Variants in DAGLA observed in about 807,000 individuals in gnomAD.
The protein encoded by DAGLA is diacylglycerol lipase alpha.
DAGLA carries 22 observed loss-of-function variants against 102.6 expected under a neutral mutation model. That is an observed-to-expected ratio of 0.21 (90% CI 0.15 to 0.31). DAGLA has a LOEUF of 0.31. DAGLA is among the 10% of genes least tolerant of loss of function. The probability of loss-of-function intolerance (pLI) is 1.00; values close to 1 mark genes in which losing one functional copy is unlikely to be tolerated. For synonymous variants in DAGLA, 578 were observed against 628.9 expected (o/e 0.92, Z 1.21); for missense variants, 927 against 1,446.6 (o/e 0.64, Z 5.83).
intron 18 of DAGLA, 35 bp from the exon 19 acceptor site, chr11:61,741,127 T>A: frequency 1.9e-6 from 3 of 1,578,732 alleles, no homozygotes; most frequent in Non-Finnish European, 2.6e-6. Context: ...CTGATGTCCC[T>A]CCACCACCCC....
rs963329038 is a variant in DAGLA at position 61,740,158 on chromosome 11, C to T, written c.1854-305C>T. On this transcript the variant is annotated intron_variant, in intron 17 of 19. Transcript: ENST00000257215. ...GGGCCCTGGCTCCTCCCTCCAGGGT[C>T]GGCTTCCTCCCCTGACACAGCTGGT... Among the ~76,000 whole-genome samples, 18 of 152,344 alleles carry T rather than the reference C, an allele frequency of 1.2e-4. No homozygotes were observed. In the South Asian group the frequency reaches 2.1e-3, roughly 18 times the overall value.
chr11:61,741,305 T>C lies in DAGLA; in HGVS notation c.2127T>C (p.Leu709=), dbSNP rs1398424776. ...CGGGGCCGCCCATGCCCACTGGCCTTGCCCTGGAGCTGCCGACTGCAGACC... is the reference window on the plus strand; with the variant it reads ...CGGGGCCGCCCATGCCCACTGGCCTCGCCCTGGAGCTGCCGACTGCAGACC... ...LPTGPPMPTG[L]ALELPTADHR... Residue 709 remains leucine, a synonymous_variant, in exon 19 of 20, where the codon CTT becomes CTC. Transcript: ENST00000257215. 6.2e-7 allele frequency: 1 copy of C among 1,611,910 alleles called. No individual in the cohort carries two copies. Among genetic ancestry groups the C allele is most frequent in the Non-Finnish European group, 8.5e-7 (1 of 1,179,986 alleles).
chr11:61,741,017 T>C, intron 18 of DAGLA, 145 bp from the exon 19 acceptor site: 2 of 732,058 alleles, frequency 2.7e-6, no homozygotes, highest in Non-Finnish European at 4.4e-6. Context: ...TGGGGAGTGG[T>C]GACCTCAGGA....
Position 61,720,677 on chromosome 11 carries a change from A to G in DAGLA, c.96-2A>G. 1 of 1,613,260 alleles carries G rather than the reference A, an allele frequency of 6.2e-7. No individual in the cohort carries two copies. The highest frequency in any genetic ancestry group is 1.7e-5 in the Admixed American group (1 of 60,016). On this transcript the variant is annotated splice_acceptor_variant, in intron 2 of 19. Transcript: ENST00000257215. LOFTEE classifies it high-confidence loss of function. The stretch of plus-strand genomic sequence containing the variant: ...TTGCTCACACGGGCGTTCCTGTGAC[A>G]GGTTTGTGATCCTGTCCGTGGTGCT...
intron 1 of DAGLA, among the ~76,000 whole-genome samples, chr11:61,707,154 G>T (rs543136950): frequency 1.3e-5 from 2 of 152,374 alleles, no homozygotes; most frequent in African/African-American, 4.8e-5. Flanking sequence ...TGGGAGTGAA[G>T]TGCCACTGGG....
At chr11:61,731,483 TC>T in intron 9 of DAGLA, 42 bp downstream of exon 9, 1 of 1,606,828 alleles carries the variant, frequency 6.2e-7, no homozygotes, top group African/African-American at 1.3e-5. Flanking sequence ...GCACCTCTCC[TC>T]CCGGGTGGTG....
At chr11:61,718,134 C>T (rs1443745397) in intron 1 of DAGLA, among the ~76,000 whole-genome samples, 1 of 152,102 alleles carries the variant, frequency 6.6e-6, no homozygotes, top group African/African-American at 2.4e-5. Flanking sequence ...AGGAGATATT[C>T]TTGGCTGCTG....
At chr11:61,702,185 G>T (rs1471101419) in intron 1 of DAGLA, among the ~76,000 whole-genome samples, 1 of 152,130 alleles carries the variant, frequency 6.6e-6, no homozygotes, top group South Asian at 2.1e-4. Flanking sequence ...ACAGGTGTGA[G>T]CCCCCACAGC....
At position 61,744,494 on chromosome 11, in the gene DAGLA, C is replaced by T; in HGVS notation, c.*5C>T. The T allele has an allele frequency of 6.5e-7, 1 of 1,537,548 alleles. No individual in the cohort carries two copies. Among genetic ancestry groups the T allele is most frequent in the Non-Finnish European group, 8.8e-7 (1 of 1,140,494 alleles). ...CTGGTCATCTCAGCACGCTAGCACC[C>T]CAGTTGCGTGGCCAGCCGGGCCCAG... On this transcript the variant is annotated 3_prime_UTR_variant, in exon 20 of 20. Transcript: ENST00000257215.
intron 1 of DAGLA, among the ~76,000 whole-genome samples, chr11:61,700,538 G>A (rs768388829): frequency 1.2e-4 from 18 of 152,222 alleles, no homozygotes; most frequent in Non-Finnish European, 2.4e-4. Context: ...CTCATGGCCA[G>A]TGACTCCTTG....
At chr11:61,718,928 G>C (rs974308335) in intron 1 of DAGLA, among the ~76,000 whole-genome samples, 1 of 152,188 alleles carries the variant, frequency 6.6e-6, no homozygotes, top group Non-Finnish European at 1.5e-5. Flanking sequence ...ATGATGCCGG[G>C]CTCCTCGGAC....
chr11:61,741,402 C>A, intron 19 of DAGLA, 53 bp downstream of exon 19: 1 of 1,557,242 alleles, frequency 6.4e-7, no homozygotes, highest in Non-Finnish European at 8.7e-7. Flanking sequence ...GTTCAGAGCA[C>A]ATAGACTTGT....
chr11:61,744,305 C>A lies in DAGLA; in HGVS notation c.2945C>A (p.Pro982His), dbSNP rs148387792. ...CGGCTCTTTGCCGGCTCAGCCGACC[C>A]CTCCTCGGGCATCTCACTCTCGCCC... ...PPRLFAGSAD[P>H]SSGISLSPSF... Residue 982 changes from proline (P) to histidine (H), a missense_variant, in exon 20 of 20, where the codon CCC (proline) becomes CAC (histidine). This residue lies in a region of DAGLA where 434 missense variants were observed against 503.3 expected (regional missense o/e 0.86). Coordinates refer to ENST00000257215, the MANE Select transcript of DAGLA (RefSeq NM_006133.3). 9.3e-6 allele frequency: 15 copies of A among 1,612,616 alleles called. No individual in the cohort carries two copies. Among genetic ancestry groups the A allele is most frequent in the South Asian group, 3.3e-5 (3 of 91,074 alleles).
In DAGLA at chr11:61,695,563, G is replaced by A. The variant is rs1352629234; in HGVS notation, c.-45+15059G>A. On this transcript the variant is annotated intron_variant, in intron 1 of 19. Coordinates refer to ENST00000257215, the MANE Select transcript of DAGLA (RefSeq NM_006133.3). ...GGCCCTGGTCTGAGCCTCCCACCCCGCTCCAGCCAACTGGTCTGGCGAGTT... is the reference window on the plus strand; with the variant it reads ...GGCCCTGGTCTGAGCCTCCCACCCCACTCCAGCCAACTGGTCTGGCGAGTT... 5.3e-5 allele frequency among the ~76,000 whole-genome samples: 8 copies of A among 152,192 alleles called. No individual in the cohort carries two copies. The East Asian group carries it at 7.7e-4, about 15-fold the overall frequency.
Position 61,720,032 on chromosome 11 carries a change from G to C in DAGLA, c.-44-80G>C, listed in dbSNP as rs1034127674. 12 of 957,488 alleles carry C rather than the reference G, an allele frequency of 1.3e-5. No homozygotes were observed. In the Admixed American group the frequency reaches 2.0e-4, roughly 16 times the overall value. The allele number at this position is 957,488 out of a possible 1,614,324, so 59.3% of individuals were successfully genotyped here. Reference sequence around the variant, plus strand: ...GTGCTTCTGGCCACACCGGGGACTGGTCCCGTGGCCCAAGGAATGCAGTGG... The same window carrying C: ...GTGCTTCTGGCCACACCGGGGACTGCTCCCGTGGCCCAAGGAATGCAGTGG... On this transcript the variant is annotated intron_variant, in intron 1 of 19. Transcript: ENST00000257215.
At chr11:61,718,048 T>C in intron 1 of DAGLA, among the ~76,000 whole-genome samples, 1 of 152,116 alleles carries the variant, frequency 6.6e-6, no homozygotes, top group East Asian at 1.9e-4. Flanking sequence ...CTGGGTTCCA[T>C]GGGTCCAAGG....
At chr11:61,692,641 G>T (rs897242334) in intron 1 of DAGLA, among the ~76,000 whole-genome samples, 2 of 152,028 alleles carry the variant, frequency 1.3e-5, no homozygotes, top group African/African-American at 4.8e-5. Context: ...CCAGGCTGGG[G>T]TCAGGAGTTC....
chr11:61,685,185 C>A (rs2064977666), intron 1 of DAGLA, among the ~76,000 whole-genome samples: 1 of 152,134 alleles, frequency 6.6e-6, no homozygotes, highest in Admixed American at 6.5e-5. Flanking sequence ...TGCTGGCACA[C>A]CTCAGTTTCC....
chr11:61,700,024 C>T (rs1331502636), intron 1 of DAGLA, among the ~76,000 whole-genome samples: 3 of 152,196 alleles, frequency 2.0e-5, no homozygotes, highest in Non-Finnish European at 4.4e-5. Flanking sequence ...ACCCTGCATC[C>T]CCAAGGCTGC....
Sources: gnomAD v4.1 joint callset for allele counts (sites outside exome capture counted in the v4.1 genomes callset) on GRCh38, gnomAD v4.1.1 for gene constraint, gnomAD v4.1.1 regional missense constraint, MANE v1.5 for transcripts, NCBI Gene and HGNC (gene_info 2026-07-23, HGNC 2026-07-21) for gene names.